Variants in TRPV4 observed in about 807,000 individuals in gnomAD.
The protein encoded by TRPV4 is transient receptor potential cation channel subfamily V member 4, also known as OSM9-like transient receptor potential channel 4.
Under a neutral mutation model 84.1 loss-of-function variants are expected in TRPV4, and 58 were observed. The ratio of observed to expected loss-of-function variants is 0.69; its 90% CI spans 0.56 to 0.86. The LOEUF is 0.86. TRPV4 is among the 40% of genes least tolerant of loss of function. The pLI is 0.00. For synonymous variants in TRPV4, 489 were observed against 500.9 expected (o/e 0.98, Z 0.32); for missense variants, 879 against 1,181.1 (o/e 0.74, Z 3.75).
At chr12:109,788,077 C>T (rs182023133) in intron 13 of TRPV4, among the ~76,000 whole-genome samples, 5 of 152,330 alleles carry the variant, frequency 3.3e-5, no homozygotes, top group African/African-American at 7.2e-5. Flanking sequence ...CCTGCTGAAA[C>T]GCTGATGCCC....
intron 11 of TRPV4, 69 bp from the exon 12 acceptor site, chr12:109,792,498 A>T: frequency 1.9e-6 from 3 of 1,589,108 alleles, no homozygotes; most frequent in East Asian, 4.5e-5. Context: ...CCATTCCTCC[A>T]TCTCCACCCT....
intron 1 of TRPV4, among the ~76,000 whole-genome samples, chr12:109,817,045 A>G (rs1011519987): frequency 2.6e-5 from 4 of 152,152 alleles, no homozygotes; most frequent in Non-Finnish European, 5.9e-5. Context: ...CATGTGAGGC[A>G]CCTACTCAGT....
At chr12:109,820,514 C>CTTTTTTTTGT (rs1186445597) in intron 1 of TRPV4, among the ~76,000 whole-genome samples, 1 of 123,078 alleles carries the variant, frequency 8.1e-6, no homozygotes, top group Non-Finnish European at 1.7e-5. Flanking sequence ...TTCAGCTGCC[C>CTTTTTTTTGT]TATTTTTTTT....
intron 3 of TRPV4, among the ~76,000 whole-genome samples, 157 bp downstream of exon 3, chr12:109,808,139 A>G (rs1281298637): frequency 6.6e-6 from 1 of 152,222 alleles, no homozygotes; most frequent in East Asian, 1.9e-4. Flanking sequence ...AACATGGTGA[A>G]GGACACACAG....
At chr12:109,827,526 A>G (rs1224269735) in intron 1 of TRPV4, among the ~76,000 whole-genome samples, 9 of 151,824 alleles carry the variant, frequency 5.9e-5, no homozygotes, top group Non-Finnish European at 1.2e-4. Flanking sequence ...GTCTCAGCCC[A>G]AAGCCCATGG....
At chr12:109,802,876 GGTCCT>G in intron 4 of TRPV4, 110 bp downstream of exon 4, 1 of 1,066,788 alleles carries the variant, frequency 9.4e-7, no homozygotes, top group Non-Finnish European at 1.4e-6. Flanking sequence ...CCATTTGTCA[GGTCCT>G]GGGTACATGC....
intron 2 of TRPV4, among the ~76,000 whole-genome samples, chr12:109,813,908 T>A (rs1300160762): frequency 6.7e-6 from 1 of 150,360 alleles, no homozygotes; most frequent in African/African-American, 2.5e-5. Context: ...GATGGACAGA[T>A]GGAATAATGA....
In TRPV4 at chr12:109,794,003, G is replaced by C. The variant is rs776595652; in HGVS notation, c.1511C>G (p.Thr504Ser). The C allele has an allele frequency of 6.2e-7, 1 of 1,609,142 alleles. No individual in the cohort carries two copies. Among genetic ancestry groups the C allele is most frequent in the East Asian group, 2.2e-5 (1 of 44,690 alleles). ...LEGTPPYPYR[T>S]TVDYLRLAGE... ...AGCCAGCCGCAGGTAGTCCACCGTG[G>C]TGCGGTAAGGGTACGGCGGCTGGGG... The change falls in exon 9 of 16, where the codon ACC becomes AGC. Residue 504 changes from threonine to serine, a missense_variant. Thr to Ser is a moderately conservative substitution (Grantham distance 58, BLOSUM62 1). This residue lies in a region of TRPV4 where 521 missense variants were observed against 686.6 expected (regional missense o/e 0.76). Transcript: ENST00000261740.
chr12:109,787,747 A>T (rs1410274880), intron 13 of TRPV4, among the ~76,000 whole-genome samples: 4 of 152,106 alleles, frequency 2.6e-5, no homozygotes, highest in Admixed American at 2.6e-4. Context: ...ATTTTCCTGA[A>T]ATGCACAGTC....
intron 1 of TRPV4, among the ~76,000 whole-genome samples, chr12:109,830,533 CA>C (rs1257085295): frequency 6.6e-6 from 1 of 152,134 alleles, no homozygotes; most frequent in Admixed American, 6.5e-5. Context: ...TAATCTTTAA[CA>C]GGTGAATTCT....
chr12:109,799,545 T>C (rs1890642894), intron 5 of TRPV4, among the ~76,000 whole-genome samples: 1 of 152,348 alleles, frequency 6.6e-6, no homozygotes, highest in African/African-American at 2.4e-5. Context: ...AGTCCAGTGA[T>C]GACAACGGCA....
chr12:109,819,121 C>G (rs1033562522), intron 1 of TRPV4, among the ~76,000 whole-genome samples: 2 of 152,008 alleles, frequency 1.3e-5, no homozygotes, highest in South Asian at 4.2e-4. Context: ...TGCTCTGTGG[C>G]AATTCCCTCC....
At position 109,783,493 on chromosome 12, in the gene TRPV4, TG is replaced by T; in HGVS notation, c.*127del. 2 of 1,324,842 alleles carry T rather than the reference TG, an allele frequency of 1.5e-6. No individual in the cohort carries two copies. Among genetic ancestry groups the T allele is most frequent in the Non-Finnish European group, 2.0e-6 (2 of 983,024 alleles). 82.1% of individuals were successfully genotyped at this position (1,324,842 alleles called of 1,614,324 possible). On this transcript the variant is annotated 3_prime_UTR_variant, in exon 16 of 16. Coordinates refer to ENST00000261740, the MANE Select transcript of TRPV4 (RefSeq NM_021625.5). This position sits in a 1 kb window ranked among gnomAD's most constrained non-coding sequence, Gnocchi z 4.6. ...GGACCACAGGGTCCTGGGGCCTCCC[TG>T]GCACCTCCACTGGTCCCTCGCCTCT...
At position 109,798,589 on chromosome 12, in the gene TRPV4, G is replaced by A; in HGVS notation, c.1152+25C>T. ...CAGAGGGGTACGAGTAGGTGGATCA[G>A]CTGTGCCCCCAGCCGCACACTCACC... On this transcript the variant is annotated intron_variant, in intron 6 of 15. Transcript: ENST00000261740. The surrounding 1 kb of genome is among the most constrained non-coding windows in gnomAD (Gnocchi z 5.0). 6.2e-7 allele frequency: 1 copy of A among 1,607,388 alleles called. No individual in the cohort carries two copies. The highest frequency in any genetic ancestry group is 8.5e-7 in the Non-Finnish European group (1 of 1,179,844).
Position 109,786,672 on chromosome 12 carries a change from T to C in TRPV4, c.2336+38A>G. 6.2e-7 allele frequency: 1 copy of C among 1,612,404 alleles called. No individual in the cohort carries two copies. Among genetic ancestry groups the C allele is most frequent in the Non-Finnish European group, 8.5e-7 (1 of 1,179,802 alleles). On this transcript the variant is annotated intron_variant, in intron 14 of 15. Coordinates refer to ENST00000261740, the MANE Select transcript of TRPV4 (RefSeq NM_021625.5). This position sits in a 1 kb window ranked among gnomAD's most constrained non-coding sequence, Gnocchi z 4.5. ...GGGGCCCCGAGCCAGTGGGGACAGT[T>C]CCGCCCTGCCATCCTGGCCCCACTG... is the stretch of plus-strand genomic sequence containing the variant.
intron 11 of TRPV4, 49 bp from the exon 12 acceptor site, chr12:109,792,478 C>T: frequency 6.2e-7 from 1 of 1,603,660 alleles, no homozygotes; most frequent in Non-Finnish European, 8.5e-7. Flanking sequence ...CACATGGTTT[C>T]TCACTTTCCC....
At chr12:109,829,432 G>A (rs1266012092) in intron 1 of TRPV4, among the ~76,000 whole-genome samples, 3 of 152,220 alleles carry the variant, frequency 2.0e-5, no homozygotes, top group Non-Finnish European at 4.4e-5. Flanking sequence ...ACAGCTCCTG[G>A]CACTCAGTCA....
At chr12:109,807,846 C>G (rs1422059759) in intron 3 of TRPV4, among the ~76,000 whole-genome samples, 4 of 152,164 alleles carry the variant, frequency 2.6e-5, no homozygotes, top group African/African-American at 9.7e-5. Flanking sequence ...ACCTGCCCAT[C>G]CCTCCAGACC....
Position 109,786,929 on chromosome 12 carries a change from G to T in TRPV4, c.2209-92C>A, listed in dbSNP as rs1889724730. On this transcript the variant is annotated intron_variant, in intron 13 of 15. Coordinates refer to ENST00000261740, the MANE Select transcript of TRPV4 (RefSeq NM_021625.5). This position sits in a 1 kb window ranked among gnomAD's most constrained non-coding sequence, Gnocchi z 4.5. ...CAGAAATGAGACAACGGGCCAGGGTGGGCCCAGAACTAGGCATTTAGACTC... is the reference window on the plus strand; with the variant it reads ...CAGAAATGAGACAACGGGCCAGGGTTGGCCCAGAACTAGGCATTTAGACTC... 6.3e-7 allele frequency: 1 copy of T among 1,576,352 alleles called. No homozygotes were observed. Among genetic ancestry groups the T allele is most frequent in the Non-Finnish European group, 8.7e-7 (1 of 1,154,638 alleles).
Sources: allele counts gnomAD v4.1 joint callset (sites outside exome capture counted in the v4.1 genomes callset), GRCh38; gene constraint gnomAD v4.1.1; regional missense constraint gnomAD v4.1.1; non-coding constraint Gnocchi (gnomAD v3.1); transcripts MANE v1.5; gene names NCBI Gene and HGNC (gene_info 2026-07-23, HGNC 2026-07-21).